DYSF: variants seen among roughly 807,000 people sequenced by gnomAD.
The protein encoded by DYSF is dysferlin, also known as dystrophy-associated fer-1-like 1.
A neutral mutation model predicts 274.9 loss-of-function variants in DYSF; 212 were observed. That is an observed-to-expected ratio of 0.77 (90% CI 0.69 to 0.86). The LOEUF (loss-of-function observed/expected upper bound fraction) is 0.86. DYSF is among the 40% of genes least tolerant of loss of function. The pLI, the probability that DYSF is intolerant of heterozygous loss-of-function variation, is 0.00. For missense variants in DYSF, 2,666 were observed against 2,783.2 expected (o/e 0.96, Z 0.95); for synonymous variants, 1,091 against 1,078.7 (o/e 1.01, Z -0.22).
In DYSF at chr2:71,562,078, T is replaced by C. The variant is rs1574002979; in HGVS notation, c.2409+134T>C. 10 of 1,253,992 alleles carry C rather than the reference T, an allele frequency of 8.0e-6. No homozygotes were observed. The East Asian group carries it at 2.5e-4, about 32-fold the overall frequency. The allele number at this position is 1,253,992 out of a possible 1,614,324, so 77.7% of individuals were successfully genotyped here. On this transcript the variant is annotated intron_variant, in intron 23 of 55. Transcript: ENST00000410020. ...TGCTGGGTGACCTTGGGCAGGTGAC[T>C]TAACCTCTCTGAACCTCAATGGACC...
rs746083673 is a variant in DYSF at position 71,503,207 on chromosome 2, C to T, written c.240-7C>T. 22 of 1,613,736 alleles carry T rather than the reference C, an allele frequency of 1.4e-5. No individual in the cohort carries two copies. The East Asian group carries it at 4.7e-4, about 34-fold the overall frequency. Reference sequence around the variant, plus strand: ...GTTTTCTACATTTGACTTCTCTCTCCTCTCAGGTTCCTGGGGGAAGCCAAG... The same window carrying T: ...GTTTTCTACATTTGACTTCTCTCTCTTCTCAGGTTCCTGGGGGAAGCCAAG... On this transcript the variant is annotated splice_polypyrimidine_tract_variant and splice_region_variant and intron_variant, in intron 3 of 55. Coordinates refer to ENST00000410020, the MANE Select transcript of DYSF (RefSeq NM_001130987.2).
chr2:71,686,579 C>G lies in DYSF; in HGVS notation c.*87C>G, dbSNP rs2095358927. 1 of 1,503,764 alleles carries G rather than the reference C, an allele frequency of 6.6e-7. No homozygotes were observed. The highest frequency in any genetic ancestry group is 9.2e-7 in the Non-Finnish European group (1 of 1,084,418). The allele number at this position is 1,503,764 out of a possible 1,614,324, so 93.2% of individuals were successfully genotyped here. A position where few individuals can be genotyped will look rare whatever the true frequency, so the allele number is the denominator to read the frequency against. ...CCTCCGCCCAGCTCGGCGAGCTCCT[C>G]CAGACCTCCTAGGCCTGATTGTCCT... is the stretch of plus-strand genomic sequence containing the variant. On this transcript the variant is annotated 3_prime_UTR_variant, in exon 56 of 56. Transcript: ENST00000410020.
chr2:71,515,514 A>G (rs1397680631), intron 7 of DYSF, 109 bp from the exon 8 acceptor site: 1 of 1,508,462 alleles, frequency 6.6e-7, no homozygotes, highest in African/African-American at 1.4e-5. Flanking sequence ...ACTTTCCCCA[A>G]GAAGCCAGTG....
rs2090910184 is a variant in DYSF, at chr2:71,551,084, C to G, written c.1620C>G (p.Tyr540Ter). The G allele has an allele frequency of 3.1e-6, 5 of 1,614,148 alleles. No homozygotes were observed. In the East Asian group the frequency reaches 1.1e-4, roughly 36 times the overall value. ...LGFLPTFGPC[Y>*]INLYGSPREF... ...TCCTCCCCACTTTTGGGCCCTGCTA[C>G]ATCAACCTCTATGGCAGTCCCAGAG... The change falls in exon 18 of 56, where the codon TAC (tyrosine) becomes TAG (stop). Residue 540 changes from tyrosine to a stop codon, truncating the protein, a stop_gained. Transcript: ENST00000410020. LOFTEE classifies it high-confidence loss of function.
intron 1 of DYSF, among the ~76,000 whole-genome samples, chr2:71,460,553 C>T (rs368630749): frequency 3.3e-5 from 5 of 152,116 alleles, no homozygotes; most frequent in South Asian, 2.1e-4. Flanking sequence ...AATGTCCCCT[C>T]GGGAGGAAGC....
chr2:71,493,547 G>A (rs1277560381), intron 3 of DYSF, among the ~76,000 whole-genome samples: 2 of 152,172 alleles, frequency 1.3e-5, no homozygotes, highest in Admixed American at 6.5e-5. Context: ...TATTTAAGGA[G>A]GTAAAGAAAC....
intron 52 of DYSF, among the ~76,000 whole-genome samples, chr2:71,678,000 T>C (rs568811258): frequency 1.3e-5 from 2 of 152,376 alleles, no homozygotes; most frequent in South Asian, 4.1e-4. Context: ...AAATATAACT[T>C]ATCTGAAATG....
At chr2:71,495,551 G>A (rs181894999) in intron 3 of DYSF, among the ~76,000 whole-genome samples, 2 of 152,306 alleles carry the variant, frequency 1.3e-5, no homozygotes, top group East Asian at 1.9e-4. Context: ...CAATAGAACA[G>A]GAGCTATGTG....
At chr2:71,466,608 G>T (rs1044278188), upstream of DYSF, 6 of 1,227,258 alleles carry the variant, frequency 4.9e-6, no homozygotes, top group Admixed American at 4.2e-5. Context: ...CGCCCGCCGC[G>T]GGCAGGGCGG....
chr2:71,481,372 C>T (rs1196892437), intron 2 of DYSF, among the ~76,000 whole-genome samples: 1 of 152,240 alleles, frequency 6.6e-6, no homozygotes. Context: ...CCGGGTGGTC[C>T]TTTGGAAGCC....
chr2:71,630,605 G>T (rs1330828244), intron 41 of DYSF, among the ~76,000 whole-genome samples: 3 of 152,208 alleles, frequency 2.0e-5, no homozygotes, highest in Non-Finnish European at 4.4e-5. Flanking sequence ...TGTGACCTTG[G>T]TGGCTGGTCC....
At chr2:71,672,727 G>A (rs2095150347) in intron 51 of DYSF, among the ~76,000 whole-genome samples, 1 of 152,244 alleles carries the variant, frequency 6.6e-6, no homozygotes, top group South Asian at 2.1e-4. Context: ...GCTGGCCAGA[G>A]GAATGGAGGC....
intron 3 of DYSF, among the ~76,000 whole-genome samples, chr2:71,489,676 C>A (rs949527144): frequency 2.0e-5 from 3 of 152,180 alleles, no homozygotes; most frequent in Admixed American, 1.3e-4. Context: ...GGGGCCTGGC[C>A]AGTTGAGGCC....
chr2:71,633,184 T>C (rs574750301), intron 41 of DYSF, among the ~76,000 whole-genome samples: 1 of 152,322 alleles, frequency 6.6e-6, no homozygotes, highest in Admixed American at 6.5e-5. Flanking sequence ...TGGCTGGCTG[T>C]GGGCATATGT....
chr2:71,682,893 G>C (rs1386213654), intron 55 of DYSF, among the ~76,000 whole-genome samples: 1 of 152,202 alleles, frequency 6.6e-6, no homozygotes, highest in Non-Finnish European at 1.5e-5. Context: ...TCCAGTGAGA[G>C]AAACTGAGTT....
At chr2:71,517,747 A>G (rs943143858) in intron 10 of DYSF, among the ~76,000 whole-genome samples, 2 of 152,186 alleles carry the variant, frequency 1.3e-5, no homozygotes, top group African/African-American at 4.8e-5. Context: ...TGAGAATGAT[A>G]TTTGTATACT....
At chr2:71,471,074 G>A (rs981436579) in intron 1 of DYSF, among the ~76,000 whole-genome samples, 1 of 152,050 alleles carries the variant, frequency 6.6e-6, no homozygotes, top group African/African-American at 2.4e-5. Flanking sequence ...TGGATTACAG[G>A]TGTCAGCCAC....
At chr2:71,520,291 C>G (rs2087114470) in intron 11 of DYSF, 83 bp downstream of exon 11, 3 of 1,440,520 alleles carry the variant, frequency 2.1e-6, no homozygotes, top group Non-Finnish European at 2.9e-6. Context: ...TCCTCACTGT[C>G]CCTCCTGGGG....
At chr2:71,606,797 C>T (rs1008794466) in intron 36 of DYSF, among the ~76,000 whole-genome samples, 1 of 152,028 alleles carries the variant, frequency 6.6e-6, no homozygotes, top group Admixed American at 6.6e-5. Context: ...ATTCAGTTGG[C>T]AGTAAAGAAA....
Sources: gnomAD v4.1 joint callset for allele counts (sites outside exome capture counted in the v4.1 genomes callset) on GRCh38, gnomAD v4.1.1 for gene constraint, MANE v1.5 for transcripts, NCBI Gene and HGNC (gene_info 2026-07-23, HGNC 2026-07-21) for gene names.